The following TPM4 variants were observed in gnomAD, a reference collection of about 807,000 sequenced individuals.
The protein encoded by TPM4 is tropomyosin 4, also known as tropomyosin alpha-4 chain.
A neutral mutation model predicts 35.8 loss-of-function variants in TPM4; 17 were observed. That is an observed-to-expected ratio of 0.47 (90% CI 0.32 to 0.71). TPM4 has a LOEUF of 0.71. Ranked by LOEUF, TPM4 falls within the 30% of genes least tolerant of loss-of-function variation. The probability of loss-of-function intolerance (pLI) is 0.03; values close to 1 mark genes in which losing one functional copy is unlikely to be tolerated. For synonymous variants in TPM4, 120 were observed against 122.9 expected (o/e 0.98, Z 0.15); for missense variants, 240 against 320.9 (o/e 0.75, Z 1.93).
intron 5 of TPM4, among the ~76,000 whole-genome samples, chr19:16,092,343 G>C (rs1054671297): frequency 2.6e-5 from 4 of 152,002 alleles, no homozygotes; most frequent in African/African-American, 9.7e-5. Flanking sequence ...GGAGAATGGG[G>C]TTGGAAATAC....
intron 2 of TPM4, 25 bp from the exon 3 acceptor site, chr19:16,086,398 G>T (rs374626541): frequency 1.9e-6 from 3 of 1,602,280 alleles, no homozygotes; most frequent in South Asian, 2.2e-5. Context: ...GTGAACGGCC[G>T]TCCTGATGAG....
chr19:16,070,153 G>A lies in TPM4; in HGVS notation c.114+2415G>A, dbSNP rs979089492. 5.3e-5 allele frequency among the ~76,000 whole-genome samples: 8 copies of A among 152,150 alleles called. No individual in the cohort carries two copies. The highest frequency in any genetic ancestry group is 1.5e-5 in the Non-Finnish European group (1 of 68,002). Reference sequence around the variant, plus strand: ...AAAGCCTGGAGGCCGGGGCAGGTGGGCTGCCCGTGGTGGACGGAGGAGAGG... The same window carrying A: ...AAAGCCTGGAGGCCGGGGCAGGTGGACTGCCCGTGGTGGACGGAGGAGAGG... On this transcript the variant is annotated intron_variant, in intron 2 of 2. Coordinates refer to the TPM4 transcript ENST00000589897. This position sits in a 1 kb window ranked among gnomAD's most constrained non-coding sequence, Gnocchi z 7.4.
At chr19:16,095,475 T>C (rs1242221358) in intron 7 of TPM4, 2 of 1,023,308 alleles carry the variant, frequency 2.0e-6, no homozygotes, top group Non-Finnish European at 2.3e-6. Context: ...TGTCTGTGAC[T>C]CTACAACCGA....
intron 4 of TPM4, 22 bp from the exon 5 acceptor site, chr19:16,089,023 A>G (rs1170778804): frequency 1.2e-6 from 2 of 1,613,930 alleles, no homozygotes; most frequent in East Asian, 2.2e-5. Flanking sequence ...ATAAGACACA[A>G]AAATCCTTTG....
chr19:16,076,236 CG>C (rs1157947418), upstream of TPM4: 8 of 1,546,030 alleles, frequency 5.2e-6, no homozygotes, highest in Non-Finnish European at 7.0e-6. Context: ...GCCGGGAAGG[CG>C]GGGAGAGCCG....
Position 16,088,881 on chromosome 19 carries a change from C to T in TPM4, c.456-164C>T, listed in dbSNP as rs1210695450. On this transcript the variant is annotated intron_variant, in intron 4 of 7. Transcript: ENST00000643579. ...TAAGCCTTTGATAAGCCCATAGTAT[C>T]ACACTGCAGAAAAATCCATTAACAT... 6 of 1,441,756 alleles carry T rather than the reference C, an allele frequency of 4.2e-6. No homozygotes were observed. In the African/African-American group the frequency reaches 7.1e-5, roughly 17 times the overall value. 89.3% of individuals were successfully genotyped at this position (1,441,756 alleles called of 1,614,324 possible). A position where few individuals can be genotyped will look rare whatever the true frequency, so the allele number is the denominator to read the frequency against.
At chr19:16,097,914 C>T (rs563412191) in intron 7 of TPM4, among the ~76,000 whole-genome samples, 1 of 152,300 alleles carries the variant, frequency 6.6e-6, no homozygotes, top group Non-Finnish European at 1.5e-5. Flanking sequence ...CAGCCTCTCC[C>T]TGCTCCTAAC....
At chr19:16,094,033 C>T (rs928901408) in intron 7 of TPM4, among the ~76,000 whole-genome samples, 9 of 144,186 alleles carry the variant, frequency 6.2e-5, no homozygotes, top group East Asian at 2.2e-4. Flanking sequence ...GGCGCCATCT[C>T]GGCTCACTGC....
At chr19:16,095,637 A>G (rs2090687301) in intron 7 of TPM4, 2 of 996,226 alleles carry the variant, frequency 2.0e-6, no homozygotes, top group East Asian at 7.2e-5. Flanking sequence ...GCTTATTACA[A>G]AAAGAAAATT....
intron 3 of TPM4, 25 bp from the exon 4 acceptor site, chr19:16,088,002 C>T (rs988789645): frequency 6.3e-7 from 1 of 1,599,036 alleles, no homozygotes; most frequent in Non-Finnish European, 8.5e-7. Flanking sequence ...GGATCGGGCT[C>T]AGCTGGGCCT....
intron 7 of TPM4, among the ~76,000 whole-genome samples, chr19:16,094,180 A>G (rs1224954043): frequency 6.6e-6 from 1 of 152,004 alleles, no homozygotes; most frequent in Non-Finnish European, 1.5e-5. Context: ...AGTTAGTCCC[A>G]TGAGCAAGTA....
At chr19:16,084,117 CA>C (rs2144934972) in intron 2 of TPM4, among the ~76,000 whole-genome samples, 1 of 152,272 alleles carries the variant, frequency 6.6e-6, no homozygotes, top group South Asian at 2.1e-4. Context: ...TTAGTAGAGA[CA>C]GGGTTTCACC....
chr19:16,087,949 T>C (rs772890544), intron 3 of TPM4, 78 bp from the exon 4 acceptor site: 221 of 1,477,834 alleles, frequency 1.5e-4, no homozygotes, highest in Middle Eastern at 4.3e-4. Flanking sequence ...TGGGGCATCA[T>C]TGGGGGCTGT....
intron 3 of TPM4, among the ~76,000 whole-genome samples, chr19:16,086,891 C>T (rs1333415142): frequency 2.0e-5 from 3 of 152,034 alleles, no homozygotes; most frequent in African/African-American, 7.2e-5. Context: ...CTCGATGGCT[C>T]GGCTCTTCCC....
upstream of TPM4, chr19:16,076,011 C>T (rs762470562): frequency 6.3e-7 from 1 of 1,590,962 alleles, no homozygotes; most frequent in Non-Finnish European, 8.5e-7. Context: ...TGACCCCCCC[C>T]CCAGGCTGAC....
At chr19:16,085,591 G>C (rs548451907) in intron 2 of TPM4, among the ~76,000 whole-genome samples, 42 of 152,186 alleles carry the variant, frequency 2.8e-4, no homozygotes, top group African/African-American at 9.9e-4. Flanking sequence ...AAGAAAGGGG[G>C]CACAGACTCT....
chr19:16,083,674 G>C (rs1019444052), intron 2 of TPM4, among the ~76,000 whole-genome samples: 1 of 151,742 alleles, frequency 6.6e-6, no homozygotes, highest in African/African-American at 2.4e-5. Flanking sequence ...TGATCATCGC[G>C]TCTGCCCCTC....
upstream of TPM4, chr19:16,076,003 A>ACCGC (rs1555706858): frequency 5.0e-6 from 7 of 1,407,474 alleles, no homozygotes; most frequent in African/African-American, 7.5e-5. Flanking sequence ...CGGGGACGTG[A>ACCGC]CCCCCCCCCC....
intron 2 of TPM4, among the ~76,000 whole-genome samples, chr19:16,082,468 G>T (rs1291941930): frequency 6.6e-6 from 1 of 152,208 alleles, no homozygotes; most frequent in Non-Finnish European, 1.5e-5. Context: ...CCGAGATCGT[G>T]CCATTGCACT....
Sources: gnomAD v4.1 joint callset for allele counts (sites outside exome capture counted in the v4.1 genomes callset) on GRCh38, gnomAD v4.1.1 for gene constraint, Gnocchi (gnomAD v3.1) non-coding constraint, MANE v1.5 for transcripts, NCBI Gene and HGNC (gene_info 2026-07-23, HGNC 2026-07-21) for gene names.